Variants in RERG observed in about 807,000 individuals in gnomAD.
RERG encodes ras-related and estrogen-regulated growth inhibitor.
In RERG, 25 loss-of-function variants were observed where a neutral mutation model predicts 23.2. That is an observed-to-expected ratio of 1.08 (90% CI 0.79 to 1.50). RERG has a LOEUF of 1.50. Ranked by LOEUF, RERG falls within the 40% of genes most tolerant of loss-of-function variation. The pLI is 0.00. For missense variants in RERG, 253 were observed against 250.1 expected, an observed-to-expected ratio of 1.01 and a Z score of -0.08; for synonymous variants, 81 against 89.1, an observed-to-expected ratio of 0.91 and a Z score of 0.51.
At chr12:15,220,497 G>C (rs1405877368) in intron 1 of RERG, among the ~76,000 whole-genome samples, 1 of 152,148 alleles carries the variant, frequency 6.6e-6, no homozygotes, top group Non-Finnish European at 1.5e-5. Flanking sequence ...CACTCTGTTA[G>C]ACCTATGATA....
chr12:15,157,884 A>AT (rs1185893510), intron 2 of RERG, among the ~76,000 whole-genome samples: 5 of 152,038 alleles, frequency 3.3e-5, no homozygotes, highest in Non-Finnish European at 7.4e-5. Flanking sequence ...AACTGTTTAC[A>AT]TTTTTCCCAT....
At chr12:15,146,258 G>A (rs1864330804) in intron 2 of RERG, among the ~76,000 whole-genome samples, 1 of 152,072 alleles carries the variant, frequency 6.6e-6, no homozygotes, top group South Asian at 2.1e-4. Flanking sequence ...AATATGCCAG[G>A]CTCCTTATCT....
chr12:15,108,807 T>TAA lies in RERG; in HGVS notation c.*301_*302dup. On this transcript the variant is annotated 3_prime_UTR_variant, in exon 5 of 5. Transcript: ENST00000256953. ...GCCTTTGCAAAAACTTCAACCTACT[T>TAA]AAAGCAAGGTGAAGATGCCTAAAAA... The TAA allele has an allele frequency of 3.9e-6, 1 of 258,398 alleles. No homozygotes were observed. The highest frequency in any genetic ancestry group is 7.2e-6 in the Non-Finnish European group (1 of 137,936). 16.0% of individuals were successfully genotyped at this position (258,398 alleles called of 1,614,324 possible). A position where few individuals can be genotyped will look rare whatever the true frequency, so the allele number is the denominator to read the frequency against.
intron 2 of RERG, among the ~76,000 whole-genome samples, chr12:15,186,552 G>A (rs912026189): frequency 2.0e-5 from 3 of 152,048 alleles, no homozygotes; most frequent in African/African-American, 7.2e-5. Flanking sequence ...GCAAGGAGGA[G>A]AGGAAGAGAA....
chr12:15,219,282 AG>A (rs879398085), intron 1 of RERG, among the ~76,000 whole-genome samples: 7 of 152,246 alleles, frequency 4.6e-5, no homozygotes, highest in Admixed American at 1.3e-4. Flanking sequence ...CGCCTGAAAA[AG>A]TATTTCTACA....
chr12:15,164,778 T>A (rs74068711), intron 2 of RERG, among the ~76,000 whole-genome samples: 65 of 152,270 alleles, frequency 4.3e-4, no homozygotes, highest in African/African-American at 1.5e-3. Flanking sequence ...ACAAAAGGTG[T>A]TAACTAGCAC....
At chr12:15,116,483 G>A (rs559677428) in intron 3 of RERG, among the ~76,000 whole-genome samples, 19 of 152,302 alleles carry the variant, frequency 1.2e-4, no homozygotes, top group African/African-American at 3.9e-4. Context: ...ATATGAAGTT[G>A]TGTGATTCTT....
chr12:15,153,285 C>T (rs1013758283), intron 2 of RERG, among the ~76,000 whole-genome samples: 38 of 151,978 alleles, frequency 2.5e-4, no homozygotes, highest in African/African-American at 8.2e-4. Context: ...CAATTATCTG[C>T]GACTTTTAGA....
intron 2 of RERG, among the ~76,000 whole-genome samples, chr12:15,136,760 A>G (rs569665406): frequency 2.8e-3 from 422 of 152,126 alleles, no homozygotes; most frequent in Non-Finnish European, 4.3e-3. Context: ...GTCTGAGAAC[A>G]TGCTTTCTAT....
intron 2 of RERG, among the ~76,000 whole-genome samples, chr12:15,161,201 A>ACAG (rs1591653173): frequency 6.7e-6 from 1 of 149,922 alleles, no homozygotes; most frequent in African/African-American, 2.5e-5. Flanking sequence ...AAAGAAAGAA[A>ACAG]GAAAGAAAGA....
chr12:15,137,075 A>G (rs1334658158), intron 2 of RERG, among the ~76,000 whole-genome samples: 11 of 151,988 alleles, frequency 7.2e-5, no homozygotes, highest in South Asian at 6.2e-4. Flanking sequence ...ACACATTTTA[A>G]TATATGGGCC....
At chr12:15,139,946 C>T (rs1268590209) in intron 2 of RERG, among the ~76,000 whole-genome samples, 1 of 152,176 alleles carries the variant, frequency 6.6e-6, no homozygotes, top group East Asian at 1.9e-4. Context: ...CTATGTTCAT[C>T]TGGTTCTGCT....
intron 2 of RERG, among the ~76,000 whole-genome samples, chr12:15,163,938 G>A (rs1203741212): frequency 6.6e-6 from 1 of 152,118 alleles, no homozygotes; most frequent in Non-Finnish European, 1.5e-5. Flanking sequence ...GGAGAGAGGA[G>A]AGAGAGAGAA....
At chr12:15,142,404 A>G (rs1430712190) in intron 2 of RERG, among the ~76,000 whole-genome samples, 3 of 152,254 alleles carry the variant, frequency 2.0e-5, no homozygotes, top group African/African-American at 7.2e-5. Flanking sequence ...CAATGTTTCC[A>G]TGTAGCACAC....
chr12:15,217,293 G>T, intron 2 of RERG, 136 bp downstream of exon 2: 2 of 666,588 alleles, frequency 3.0e-6, no homozygotes, highest in Non-Finnish European at 5.4e-6. Context: ...TCTAGATGAA[G>T]AGACTTTATC....
chr12:15,175,690 C>G (rs781155151), intron 2 of RERG, among the ~76,000 whole-genome samples: 1 of 152,082 alleles, frequency 6.6e-6, no homozygotes, highest in Non-Finnish European at 1.5e-5. Flanking sequence ...GAAAAATTCC[C>G]TGGGGATAGG....
intron 2 of RERG, among the ~76,000 whole-genome samples, chr12:15,134,052 C>T (rs1483584916): frequency 6.6e-6 from 1 of 151,494 alleles, no homozygotes; most frequent in East Asian, 1.9e-4. Flanking sequence ...TGTGGCTTGT[C>T]TTATGATTCT....
chr12:15,139,137 T>G (rs546327464), intron 2 of RERG, among the ~76,000 whole-genome samples: 2 of 151,902 alleles, frequency 1.3e-5, no homozygotes, highest in South Asian at 4.2e-4. Context: ...CAGTTGACTT[T>G]ATTTGTGTAG....
chr12:15,116,662 T>C (rs1359820249), intron 3 of RERG, among the ~76,000 whole-genome samples: 1 of 152,002 alleles, frequency 6.6e-6, no homozygotes, highest in Non-Finnish European at 1.5e-5. Flanking sequence ...TAGAAGCCCA[T>C]TTTCTCTACG....
Sources: gnomAD v4.1 joint callset for allele counts (sites outside exome capture counted in the v4.1 genomes callset) on GRCh38, gnomAD v4.1.1 for gene constraint, MANE v1.5 for transcripts, NCBI Gene and HGNC (gene_info 2026-07-23, HGNC 2026-07-21) for gene names.